Variants in PPP2R2C observed in about 807,000 individuals in gnomAD.
PPP2R2C encodes the protein protein phosphatase 2, regulatory subunit B, gamma.
Under a neutral mutation model 45.3 loss-of-function variants are expected in PPP2R2C, and 10 were observed. The ratio of observed to expected loss-of-function variants is 0.22; its 90% CI spans 0.14 to 0.37. PPP2R2C has a LOEUF of 0.37. PPP2R2C is among the 10% of genes least tolerant of loss of function. The probability of loss-of-function intolerance (pLI) is 1.00; values close to 1 mark genes in which losing one functional copy is unlikely to be tolerated. For missense variants in PPP2R2C, 308 were observed against 619.7 expected (o/e 0.50, Z 5.34); for synonymous variants, 257 against 245.4 (o/e 1.05, Z -0.44).
chr4:6,476,768 A>T (rs1280123796), upstream of PPP2R2C, among the ~76,000 whole-genome samples: 1 of 152,140 alleles, frequency 6.6e-6, no homozygotes, highest in Non-Finnish European at 1.5e-5. Context: ...TCATTTGCAC[A>T]ATGTTTTTTT....
intron 1 of PPP2R2C, among the ~76,000 whole-genome samples, chr4:6,415,350 C>T (rs1718505187): frequency 6.6e-6 from 1 of 152,222 alleles, no homozygotes; most frequent in Non-Finnish European, 1.5e-5. Flanking sequence ...ATTTCAAAGG[C>T]AAATTTATGC....
chr4:6,365,043 GTCCCTTCT>G (rs944762810), intron 5 of PPP2R2C, among the ~76,000 whole-genome samples: 7 of 152,154 alleles, frequency 4.6e-5, no homozygotes, highest in African/African-American at 1.7e-4. Context: ...AAACAAAAAA[GTCCCTTCT>G]TCCCAAGGTG....
intron 2 of PPP2R2C, among the ~76,000 whole-genome samples, chr4:6,528,815 A>AC (rs1724300831): frequency 6.6e-6 from 1 of 151,526 alleles, no homozygotes; most frequent in Non-Finnish European, 1.5e-5. Flanking sequence ...GCACCTTGTG[A>AC]CCCCCACTCC....
At chr4:6,532,506 G>T (rs1371431257) in intron 2 of PPP2R2C, among the ~76,000 whole-genome samples, 1 of 152,230 alleles carries the variant, frequency 6.6e-6, no homozygotes, top group African/African-American at 2.4e-5. Flanking sequence ...AGCATCTCCA[G>T]ATCTAGCTGT....
At chr4:6,555,620 C>T (rs535953068) in intron 1 of PPP2R2C, 2 of 152,404 alleles carry the variant, frequency 1.3e-5, no homozygotes, top group South Asian at 4.1e-4. Context: ...GAGAGTGAAC[C>T]CCACGGGCGA....
chr4:6,412,952 C>T (rs908357723), intron 1 of PPP2R2C, among the ~76,000 whole-genome samples: 1 of 152,232 alleles, frequency 6.6e-6, no homozygotes, highest in Non-Finnish European at 1.5e-5. Context: ...GCACCTTCAT[C>T]TTGGACTTCC....
chr4:6,496,352 G>T (rs1459092447), intron 2 of PPP2R2C, among the ~76,000 whole-genome samples: 2 of 152,172 alleles, frequency 1.3e-5, no homozygotes, highest in Admixed American at 6.5e-5. Context: ...ACCAGCCCAG[G>T]CCTCTGAGGA....
rs546102107 is a variant in PPP2R2C at position 6,497,592 on chromosome 4, G to T, written c.49+37679C>A. Among the ~76,000 whole-genome samples the T allele has an allele frequency of 3.3e-4, 50 of 152,190 alleles. 1 individual carries two copies. Among genetic ancestry groups the T allele is most frequent in the Non-Finnish European group, 1.3e-4 (9 of 68,036 alleles). On this transcript the variant is annotated intron_variant, in intron 2 of 9. Coordinates refer to the PPP2R2C transcript ENST00000506140. ...TTGTGCAAGACATTATAGAAAACTT[G>T]TTATTATAACCCTGGGCTAGGATAA...
At chr4:6,393,520 G>A (rs894287600) in intron 1 of PPP2R2C, among the ~76,000 whole-genome samples, 4 of 152,244 alleles carry the variant, frequency 2.6e-5, no homozygotes, top group Non-Finnish European at 4.4e-5. Flanking sequence ...CCAGTCCCCA[G>A]AAGAGAGTGA....
At chr4:6,377,071 G>A (rs1001229313) in intron 3 of PPP2R2C, among the ~76,000 whole-genome samples, 4 of 152,252 alleles carry the variant, frequency 2.6e-5, no homozygotes, top group African/African-American at 4.8e-5. Flanking sequence ...GATGAGGAGG[G>A]AGTTGGCCAG....
At chr4:6,383,247 C>T in intron 1 of PPP2R2C, 2 of 1,216,034 alleles carry the variant, frequency 1.6e-6, no homozygotes, top group Non-Finnish European at 2.1e-6. Flanking sequence ...CCCCCCAACC[C>T]CCGGCCAAGC....
intron 4 of PPP2R2C, among the ~76,000 whole-genome samples, chr4:6,373,066 T>A (rs535148572): frequency 6.6e-6 from 1 of 152,256 alleles, no homozygotes; most frequent in East Asian, 1.9e-4. Flanking sequence ...GCTGTCTACA[T>A]GTGGACTACA....
intron 2 of PPP2R2C, among the ~76,000 whole-genome samples, chr4:6,483,160 T>C (rs1167584822): frequency 6.6e-6 from 1 of 150,904 alleles, no homozygotes; most frequent in Non-Finnish European, 1.5e-5. Context: ...GATTGATAGA[T>C]AGACGATAGA....
Position 6,543,711 on chromosome 4 carries a change from C to T in PPP2R2C, c.-58-8334G>A, listed in dbSNP as rs886914629. ...CCCAGCTTGTCACATAAAGCGTGAG[C>T]GCGGAGTGCCAGGAAACAGGCTCCC... On this transcript the variant is annotated intron_variant, in intron 1 of 9. Transcript: ENST00000506140. Among the ~76,000 whole-genome samples, 12 of 152,178 alleles carry T rather than the reference C, an allele frequency of 7.9e-5. 1 individual carries two copies. The highest frequency in any genetic ancestry group is 6.2e-4 in the South Asian group (3 of 4,824).
chr4:6,511,256 TGATG>T (rs1299439772), intron 2 of PPP2R2C, among the ~76,000 whole-genome samples: 3 of 124,274 alleles, frequency 2.4e-5, no homozygotes, highest in Non-Finnish European at 4.8e-5. Context: ...ATGCTGATGC[TGATG>T]CTGATGCTGA....
chr4:6,438,875 A>T (rs989466503), intron 1 of PPP2R2C, among the ~76,000 whole-genome samples: 1 of 152,242 alleles, frequency 6.6e-6, no homozygotes, highest in Non-Finnish European at 1.5e-5. Flanking sequence ...TGAATAATAC[A>T]TGAGTGGTAT....
intron 2 of PPP2R2C, among the ~76,000 whole-genome samples, chr4:6,516,706 A>T (rs1723838193): frequency 6.6e-6 from 1 of 152,232 alleles, no homozygotes. Flanking sequence ...CCTGCACTTT[A>T]CTTTTCTACA....
rs150296103 is a variant in PPP2R2C at position 6,517,789 on chromosome 4, G to A, written c.49+17482C>T. Among the ~76,000 whole-genome samples, 1,441 of 152,270 alleles carry A rather than the reference G, an allele frequency of 9.5e-3. 9 individuals are homozygous for A. Among genetic ancestry groups the A allele is most frequent in the Non-Finnish European group, 0.013 (887 of 68,022 alleles). ...GAAGAAGGGGAAATACTGGGGTCTGGAAGCCAGGTAGACAGGGGTTCCAAT... is the reference window on the plus strand; with the variant it reads ...GAAGAAGGGGAAATACTGGGGTCTGAAAGCCAGGTAGACAGGGGTTCCAAT... On this transcript the variant is annotated intron_variant, in intron 2 of 9. Transcript: ENST00000506140.
rs1714093001 is a variant in PPP2R2C, at chr4:6,364,476, C to T, written c.625+8047G>A. Among the ~76,000 whole-genome samples the T allele has an allele frequency of 6.6e-6, 1 of 151,604 alleles. No individual in the cohort carries two copies. Among genetic ancestry groups the T allele is most frequent in the African/African-American group, 2.4e-5 (1 of 41,252 alleles). On this transcript the variant is annotated intron_variant, in intron 5 of 8. Coordinates refer to ENST00000382599, the MANE Select transcript of PPP2R2C (RefSeq NM_020416.4). This position sits in a 1 kb window ranked among gnomAD's most constrained non-coding sequence, Gnocchi z 5.3. ...GGTTCTGAGCAAGGAGTGACATGAT[C>T]TTGTCGTTTTTTTTTTTCTCATGTT...
Sources: allele counts gnomAD v4.1 joint callset (sites outside exome capture counted in the v4.1 genomes callset), GRCh38; gene constraint gnomAD v4.1.1; non-coding constraint Gnocchi (gnomAD v3.1); transcripts MANE v1.5; gene names NCBI Gene and HGNC (gene_info 2026-07-23, HGNC 2026-07-21).